Variants in N4BP1 observed in about 807,000 individuals in gnomAD.
N4BP1 encodes the protein NEDD4-binding protein 1.
A neutral mutation model predicts 70.9 loss-of-function variants in N4BP1; 21 were observed. That is an observed-to-expected ratio of 0.30 (90% CI 0.21 to 0.43). The LOEUF (loss-of-function observed/expected upper bound fraction) is 0.43, where lower values mean the gene tolerates loss of function less well. N4BP1 is among the 20% of genes least tolerant of loss of function. The pLI is 1.00. For missense variants in N4BP1, 936 were observed against 1,069.4 expected (o/e 0.88, Z 1.74); for synonymous variants, 387 against 394.6 (o/e 0.98, Z 0.23).
At chr16:48,581,838 A>G (rs934104867) in intron 1 of N4BP1, among the ~76,000 whole-genome samples, 2 of 152,226 alleles carry the variant, frequency 1.3e-5, no homozygotes, top group African/African-American at 4.8e-5. Flanking sequence ...TTAAGACTCC[A>G]AACTATGAAA....
chr16:48,541,242 C>T lies in N4BP1; in HGVS notation c.*1662G>A, dbSNP rs1038339037. On this transcript the variant is annotated 3_prime_UTR_variant, in exon 7 of 7. Transcript: ENST00000262384. Reference sequence around the variant, plus strand: ...CTGCAAGACAGCTCCAGCCCGCACACCTCAGTTGTGCTTTTGAAAACAGGT... The same window carrying T: ...CTGCAAGACAGCTCCAGCCCGCACATCTCAGTTGTGCTTTTGAAAACAGGT... 6.6e-6 allele frequency: 1 copy of T among 152,266 alleles called. No individual in the cohort carries two copies. Among genetic ancestry groups the T allele is most frequent in the African/African-American group, 2.4e-5 (1 of 41,462 alleles). 9.4% of individuals were successfully genotyped at this position (152,266 alleles called of 1,614,324 possible). A position where few individuals can be genotyped will look rare whatever the true frequency, so the allele number is the denominator to read the frequency against.
chr16:48,557,751 GA>G (rs1341794974), intron 2 of N4BP1, among the ~76,000 whole-genome samples: 2 of 152,110 alleles, frequency 1.3e-5, no homozygotes, highest in East Asian at 3.9e-4. Context: ...GCAAAATAGT[GA>G]GACTTTACCT....
At chr16:48,569,057 G>A (rs192959794) in intron 1 of N4BP1, among the ~76,000 whole-genome samples, 15 of 152,288 alleles carry the variant, frequency 9.8e-5, no homozygotes, top group Non-Finnish European at 1.5e-4. Flanking sequence ...GGTTTTAAGA[G>A]TATTTGGGAT....
chr16:48,587,006 T>C (rs1230525528), intron 1 of N4BP1: 2 of 152,186 alleles, frequency 1.3e-5, no homozygotes, highest in East Asian at 1.9e-4. Context: ...TGTACCTCAA[T>C]AGATTTTAAC....
intron 5 of N4BP1, among the ~76,000 whole-genome samples, chr16:48,547,614 G>A (rs968309594): frequency 1.3e-5 from 2 of 152,170 alleles, no homozygotes; most frequent in African/African-American, 2.4e-5. Context: ...CATTGCTTTC[G>A]GTCCTTTCCT....
chr16:48,572,788 G>A (rs1056650513), intron 1 of N4BP1, among the ~76,000 whole-genome samples: 4 of 152,082 alleles, frequency 2.6e-5, no homozygotes, highest in Non-Finnish European at 5.9e-5. Flanking sequence ...AGTATTAAGG[G>A]TAGATATAAA....
At chr16:48,575,193 AT>A (rs1245718285) in intron 1 of N4BP1, among the ~76,000 whole-genome samples, 1 of 152,228 alleles carries the variant, frequency 6.6e-6, no homozygotes, top group African/African-American at 2.4e-5. Context: ...ATACAGCATT[AT>A]TAAGTTTGAG....
At chr16:48,576,024 A>G (rs1055632737) in intron 1 of N4BP1, among the ~76,000 whole-genome samples, 5 of 152,066 alleles carry the variant, frequency 3.3e-5, no homozygotes, top group Non-Finnish European at 5.9e-5. Context: ...CTGGATGCAC[A>G]CTTTAGTATG....
chr16:48,554,308 CCA>C (rs1409115044), intron 2 of N4BP1, among the ~76,000 whole-genome samples: 3 of 152,180 alleles, frequency 2.0e-5, no homozygotes, highest in African/African-American at 7.2e-5. Flanking sequence ...GTGAAAACAG[CCA>C]CAGATAACTG....
At chr16:48,588,300 T>C (rs1597108445) in intron 1 of N4BP1, among the ~76,000 whole-genome samples, 3 of 151,598 alleles carry the variant, frequency 2.0e-5, no homozygotes, top group African/African-American at 2.4e-5. Flanking sequence ...TTTTCTTTTT[T>C]TTTTTTTTTT....
chr16:48,582,620 T>C (rs977554604), intron 1 of N4BP1, among the ~76,000 whole-genome samples: 1 of 152,218 alleles, frequency 6.6e-6, no homozygotes, highest in African/African-American at 2.4e-5. Flanking sequence ...ATTTTTCTAT[T>C]ATTAGTAATT....
chr16:48,609,699 G>C (rs143072279), intron 1 of N4BP1, 76 bp downstream of exon 1: 2 of 1,178,640 alleles, frequency 1.7e-6, no homozygotes, highest in Non-Finnish European at 2.1e-6. Flanking sequence ...CGGACGGCGG[G>C]GGCGGGGAGG....
chr16:48,551,476 T>C lies in N4BP1; in HGVS notation c.2027A>G (p.His676Arg). ...TRRDPNVTEQ[H>R]FLTQLQELGI... Reference sequence around the variant, plus strand: ...GAGCTCCTGGAGCTGGGTTAAGAAGTGCTGTTCTGTTCATGGAATAAGTTG... The same window carrying C: ...GAGCTCCTGGAGCTGGGTTAAGAAGCGCTGTTCTGTTCATGGAATAAGTTG... The change falls in exon 4 of 7, where the codon CAC (histidine) becomes CGC (arginine). Residue 676 changes from histidine (H) to arginine (R), a missense_variant. Physicochemically the swap from His to Arg is conservative, Grantham distance 29. Around this residue, in one of 4 missense-constraint regions of N4BP1, gnomAD observed 229 missense variants for 343.5 expected, o/e 0.67. Coordinates refer to ENST00000262384, the MANE Select transcript of N4BP1 (RefSeq NM_153029.4). 6.2e-7 allele frequency: 1 copy of C among 1,611,182 alleles called. No homozygotes were observed. The highest frequency in any genetic ancestry group is 1.1e-5 in the South Asian group (1 of 90,894).
intron 1 of N4BP1, among the ~76,000 whole-genome samples, chr16:48,576,283 C>A (rs1163128341): frequency 6.6e-6 from 1 of 152,108 alleles, no homozygotes; most frequent in African/African-American, 2.4e-5. Flanking sequence ...CCTTTATTAG[C>A]CATTTTCCCC....
chr16:48,609,818 C>T lies in N4BP1; in HGVS notation c.155G>A (p.Trp52Ter). ...GAEEPLPARI[W>*]LQLCGAQEAV... ...CTCCTGCGCCCCGCAGAGCTGCAGC[C>T]AGATGCGCGCGGGCAGCGGCTCCTC... The change falls in exon 1 of 7, where the codon TGG (tryptophan) becomes TAG (stop). Residue 52 changes from tryptophan to a stop codon, truncating the protein, a stop_gained. Coordinates refer to ENST00000262384, the MANE Select transcript of N4BP1 (RefSeq NM_153029.4). LOFTEE classifies it high-confidence loss of function. 6.7e-7 allele frequency: 1 copy of T among 1,486,222 alleles called. No individual in the cohort carries two copies. The highest frequency in any genetic ancestry group is 8.9e-7 in the Non-Finnish European group (1 of 1,123,106). The allele number at this position is 1,486,222 out of a possible 1,614,324, so 92.1% of individuals were successfully genotyped here.
intron 1 of N4BP1, among the ~76,000 whole-genome samples, chr16:48,606,020 T>C (rs1463494128): frequency 6.6e-6 from 1 of 152,236 alleles, no homozygotes; most frequent in Non-Finnish European, 1.5e-5. Flanking sequence ...ATTGCAGTTG[T>C]TGTATGTATC....
At chr16:48,571,247 T>G (rs1341165881) in intron 1 of N4BP1, among the ~76,000 whole-genome samples, 1 of 152,118 alleles carries the variant, frequency 6.6e-6, no homozygotes, top group Non-Finnish European at 1.5e-5. Context: ...GTTGATCATA[T>G]CTCCTCCGTG....
chr16:48,554,781 G>A (rs1417405515), intron 2 of N4BP1, among the ~76,000 whole-genome samples: 2 of 152,180 alleles, frequency 1.3e-5, no homozygotes, highest in Non-Finnish European at 2.9e-5. Context: ...TATGTGTCCC[G>A]AGTTAAACCC....
rs557206814 is a variant in N4BP1, at chr16:48,606,950, A to G, written c.198+2825T>C. On this transcript the variant is annotated intron_variant, in intron 1 of 6. Transcript: ENST00000262384. ...GGATCAAATTTGCTTTCCTGTTCTTAGTTTTTAAAATCAAAATAATGGTTT... is the reference window on the plus strand; with the variant it reads ...GGATCAAATTTGCTTTCCTGTTCTTGGTTTTTAAAATCAAAATAATGGTTT... Among the ~76,000 whole-genome samples the G allele has an allele frequency of 7.2e-5, 11 of 152,332 alleles. No individual in the cohort carries two copies. In the South Asian group the frequency reaches 2.1e-3, roughly 29 times the overall value.
Sources: gnomAD v4.1 joint callset for allele counts (sites outside exome capture counted in the v4.1 genomes callset) on GRCh38, gnomAD v4.1.1 for gene constraint, gnomAD v4.1.1 regional missense constraint, MANE v1.5 for transcripts, NCBI Gene and HGNC (gene_info 2026-07-23, HGNC 2026-07-21) for gene names.